NRXN1: variants seen among roughly 807,000 people sequenced by gnomAD.
NRXN1 encodes neurexin-1.
NRXN1 carries 39 observed loss-of-function variants against 150.9 expected under a neutral mutation model. The ratio of observed to expected loss-of-function variants is 0.26; its 90% CI spans 0.20 to 0.34. The LOEUF (loss-of-function observed/expected upper bound fraction) is 0.34. Ranked by LOEUF, NRXN1 falls within the 10% of genes least tolerant of loss-of-function variation. The probability of loss-of-function intolerance (pLI) is 1.00; values close to 1 mark genes in which losing one functional copy is unlikely to be tolerated. For missense variants in NRXN1, 1,815 were observed against 1,949.9 expected (o/e 0.93, Z 1.30); for synonymous variants, 924 against 757.0 (o/e 1.22, Z -3.62).
At chr2:50,588,769 T>C (rs191547442) in intron 8 of NRXN1, 4 of 152,000 alleles carry the variant, frequency 2.6e-5, no homozygotes, top group African/African-American at 9.7e-5. Context: ...CGGCTCAGAG[T>C]ACCGCGGCAG....
intron 17 of NRXN1, among the ~76,000 whole-genome samples, chr2:50,383,006 T>C (rs2103694889): frequency 6.6e-6 from 1 of 152,306 alleles, no homozygotes; most frequent in South Asian, 2.1e-4. Flanking sequence ...TTTTTTATTT[T>C]AGAATTGTTC....
At chr2:50,541,544 A>T (rs2093389074) in intron 9 of NRXN1, among the ~76,000 whole-genome samples, 1 of 152,274 alleles carries the variant, frequency 6.6e-6, no homozygotes, top group African/African-American at 2.4e-5. Flanking sequence ...GTATTGTAAG[A>T]GAGTTCAAAT....
intron 5 of NRXN1, among the ~76,000 whole-genome samples, chr2:50,828,212 G>A (rs1410232491): frequency 3.6e-4 from 55 of 151,026 alleles, no homozygotes; most frequent in African/African-American, 1.1e-3. Context: ...CCTCCCGGAC[G>A]GGGCGGCCGG....
chr2:50,128,317 C>A (rs1185699720), intron 18 of NRXN1, among the ~76,000 whole-genome samples: 1 of 152,146 alleles, frequency 6.6e-6, no homozygotes, highest in Non-Finnish European at 1.5e-5. Flanking sequence ...CCCTTCGAAC[C>A]AACTTTTCTT....
chr2:50,898,562 A>G, intron 5 of NRXN1: 1 of 479,332 alleles, frequency 2.1e-6, no homozygotes, highest in Non-Finnish European at 4.2e-6. Flanking sequence ...GGAGGTAGAA[A>G]ATGAAACGGG....
intron 9 of NRXN1, among the ~76,000 whole-genome samples, chr2:50,551,086 G>GAA (rs1667440330): frequency 9.1e-6 from 1 of 109,924 alleles, no homozygotes; most frequent in Admixed American, 8.6e-5. Flanking sequence ...AGGAGGAGGA[G>GAA]GAGGAGGAGG....
intron 5 of NRXN1, among the ~76,000 whole-genome samples, chr2:50,681,298 C>A (rs895093158): frequency 6.6e-6 from 1 of 152,188 alleles, no homozygotes; most frequent in African/African-American, 2.4e-5. Flanking sequence ...ATTATTTGCT[C>A]AGAAGACTAG....
At position 50,981,180 on chromosome 2, in the gene NRXN1, G is replaced by A. The variant is rs549526873; in HGVS notation, c.772+46322C>T. ...ATATTATAAGAAACATAACTGTCTCGGCGTAGTGGCTCACATCCGTAATCC... is the reference window on the plus strand; with the variant it reads ...ATATTATAAGAAACATAACTGTCTCAGCGTAGTGGCTCACATCCGTAATCC... On this transcript the variant is annotated intron_variant, in intron 2 of 22. Transcript: ENST00000401669. Among the ~76,000 whole-genome samples, 64 of 151,922 alleles carry A rather than the reference G, an allele frequency of 4.2e-4. 1 individual carries two copies. Among genetic ancestry groups the A allele is most frequent in the Admixed American group, 9.2e-4 (14 of 15,246 alleles).
intron 21 of NRXN1, among the ~76,000 whole-genome samples, chr2:49,984,423 C>A (rs961113634): frequency 6.6e-6 from 1 of 151,640 alleles, no homozygotes; most frequent in Admixed American, 6.6e-5. Flanking sequence ...GTTTTAAAAA[C>A]AAACAGAAAC....
chr2:50,986,748 T>C (rs1192604641), intron 2 of NRXN1, among the ~76,000 whole-genome samples: 2 of 150,606 alleles, frequency 1.3e-5, no homozygotes, highest in South Asian at 2.1e-4. Context: ...ATATTTTTTT[T>C]CCAAAAAATC....
At position 50,236,970 on chromosome 2, in the gene NRXN1, G is replaced by T; in HGVS notation, c.3365C>A (p.Pro1122His). The change falls in exon 18 of 23, where the codon CCT becomes CAT. Residue 1122 changes from proline (P) to histidine (H), a missense_variant and splice_region_variant. By Grantham distance (77) the Pro-to-His change is moderately conservative. Coordinates refer to ENST00000401669, the MANE Select transcript of NRXN1 (RefSeq NM_001330078.2). ...TSFSGPLCND[P>H]GTTYIFSKGG... ...TTTGCTAAAGATATATGTCGTCCCA[G>T]CTGGAAAACAAAAACCAAAACCAAT... 1 of 1,612,892 alleles carries T rather than the reference G, an allele frequency of 6.2e-7. No homozygotes were observed. The highest frequency in any genetic ancestry group is 2.2e-5 in the East Asian group (1 of 44,742).
At chr2:50,971,910 T>C (rs1458793496) in intron 2 of NRXN1, among the ~76,000 whole-genome samples, 5 of 152,202 alleles carry the variant, frequency 3.3e-5, no homozygotes, top group African/African-American at 4.8e-5. Flanking sequence ...TCTACCAGTT[T>C]GATATAATGG....
At chr2:50,250,289 A>G (rs960095820) in intron 17 of NRXN1, among the ~76,000 whole-genome samples, 9 of 152,150 alleles carry the variant, frequency 5.9e-5, no homozygotes, top group Admixed American at 1.3e-4. Context: ...TTATTTTCAT[A>G]GAAGATAAAA....
intron 8 of NRXN1, among the ~76,000 whole-genome samples, chr2:50,587,984 G>C (rs1673449711): frequency 6.6e-6 from 1 of 152,104 alleles, no homozygotes; most frequent in Non-Finnish European, 1.5e-5. Flanking sequence ...GATCTTCTTT[G>C]TGAGTGCCTA....
At chr2:50,139,043 T>A (rs12713088) in intron 18 of NRXN1, among the ~76,000 whole-genome samples, 3 of 152,086 alleles carry the variant, frequency 2.0e-5, no homozygotes, top group Non-Finnish European at 2.9e-5. Context: ...TTACTGCATG[T>A]GGACGGGCAA....
chr2:50,411,965 A>G (rs926303798), intron 17 of NRXN1, among the ~76,000 whole-genome samples: 1 of 152,198 alleles, frequency 6.6e-6, no homozygotes, highest in Non-Finnish European at 1.5e-5. Context: ...TTTGTTCTGT[A>G]CTAAGAAAAA....
intron 17 of NRXN1, among the ~76,000 whole-genome samples, chr2:50,307,010 A>T (rs1178964079): frequency 6.6e-6 from 1 of 151,878 alleles, no homozygotes; most frequent in Non-Finnish European, 1.5e-5. Flanking sequence ...TCTGAGATGG[A>T]GTCTTGCTCT....
intron 18 of NRXN1, among the ~76,000 whole-genome samples, chr2:50,169,174 G>T (rs1399776728): frequency 2.6e-5 from 4 of 152,104 alleles, no homozygotes; most frequent in Non-Finnish European, 4.4e-5. Context: ...AGGAATCTCA[G>T]ACACATAGAA....
At chr2:50,430,988 C>T (rs976688335) in intron 17 of NRXN1, among the ~76,000 whole-genome samples, 5 of 152,188 alleles carry the variant, frequency 3.3e-5, no homozygotes, top group African/African-American at 1.2e-4. Context: ...TCTGTGAATG[C>T]ATACATCACT....
Sources: gnomAD v4.1 joint callset for allele counts (sites outside exome capture counted in the v4.1 genomes callset) on GRCh38, gnomAD v4.1.1 for gene constraint, MANE v1.5 for transcripts, NCBI Gene and HGNC (gene_info 2026-07-23, HGNC 2026-07-21) for gene names.